NAV3: variants seen among roughly 807,000 people sequenced by gnomAD.
The protein encoded by NAV3 is pore membrane and/or filament interacting like protein 1.
In NAV3, 87 loss-of-function variants were observed where a neutral mutation model predicts 244.7. The ratio of observed to expected loss-of-function variants is 0.36; its 90% CI spans 0.30 to 0.42. The LOEUF (loss-of-function observed/expected upper bound fraction) is 0.42, where lower values mean the gene tolerates loss of function less well. Among genes scored for constraint, NAV3 ranks in the 20% least tolerant of loss-of-function variants. The pLI is 1.00. For synonymous variants in NAV3, 1,126 were observed against 1,042.2 expected (o/e 1.08, Z -1.55); for missense variants, 2,663 against 2,893.3 (o/e 0.92, Z 1.83).
chr12:78,014,907 C>T (rs891481313), intron 8 of NAV3, among the ~76,000 whole-genome samples: 2 of 152,034 alleles, frequency 1.3e-5, no homozygotes, highest in Admixed American at 6.6e-5. Flanking sequence ...GAATGCTTGG[C>T]TTGCAAGCTC....
chr12:77,731,937 C>T (rs1396269930), intron 2 of NAV3, among the ~76,000 whole-genome samples: 2 of 151,778 alleles, frequency 1.3e-5, no homozygotes, highest in Non-Finnish European at 2.9e-5. Context: ...CTACATTTAG[C>T]ATTGAGGGGA....
At chr12:77,635,871 A>G (rs1487656200) in intron 2 of NAV3, among the ~76,000 whole-genome samples, 1 of 152,214 alleles carries the variant, frequency 6.6e-6, no homozygotes, top group Non-Finnish European at 1.5e-5. Flanking sequence ...TCCCAAAGTA[A>G]CAGAGTTAAT....
intron 2 of NAV3, among the ~76,000 whole-genome samples, chr12:77,729,651 A>C (rs1240796885): frequency 6.6e-6 from 1 of 151,920 alleles, no homozygotes; most frequent in African/African-American, 2.4e-5. Flanking sequence ...GAGGCAACAA[A>C]AATCACTGAA....
intron 2 of NAV3, among the ~76,000 whole-genome samples, chr12:77,592,025 G>C (rs1024626977): frequency 6.6e-5 from 10 of 151,958 alleles, no homozygotes; most frequent in African/African-American, 2.2e-4. Context: ...TAGAAATTCT[G>C]GGCCACTTAA....
chr12:77,784,110 A>C (rs570191261), intron 2 of NAV3, among the ~76,000 whole-genome samples: 15 of 152,192 alleles, frequency 9.9e-5, no homozygotes, highest in Non-Finnish European at 1.6e-4. Flanking sequence ...CTGAGGAACA[A>C]ATAAGACTAT....
intron 3 of NAV3, among the ~76,000 whole-genome samples, chr12:77,948,749 G>A (rs1202181656): frequency 7.3e-6 from 1 of 137,110 alleles, no homozygotes; most frequent in Non-Finnish European, 1.5e-5. Context: ...ATTAACAGTA[G>A]GATAATTTTA....
chr12:78,189,960 C>T (rs764847924), intron 33 of NAV3, 24 bp from the exon 34 acceptor site: 6 of 1,531,028 alleles, frequency 3.9e-6, no homozygotes, highest in East Asian at 2.3e-5. Context: ...ATAAATCATG[C>T]TATTTTTTTG....
intron 12 of NAV3, among the ~76,000 whole-genome samples, chr12:78,095,697 T>C (rs1184981372): frequency 6.6e-6 from 1 of 152,036 alleles, no homozygotes; most frequent in African/African-American, 2.4e-5. Context: ...ATGGAGGAAA[T>C]AAAGATCCAG....
chr12:78,000,299 G>C (rs1223597071), intron 7 of NAV3, among the ~76,000 whole-genome samples: 1 of 151,882 alleles, frequency 6.6e-6, no homozygotes, highest in Non-Finnish European at 1.5e-5. Context: ...TTAGACAAGA[G>C]TTTTCATACG....
At chr12:77,909,321 A>G (rs962538379) in intron 1 of NAV3, among the ~76,000 whole-genome samples, 2 of 152,048 alleles carry the variant, frequency 1.3e-5, no homozygotes, top group African/African-American at 4.8e-5. Context: ...CATCAGTTCA[A>G]TTTGGGGAGA....
intron 2 of NAV3, among the ~76,000 whole-genome samples, chr12:77,717,999 G>A (rs931285767): frequency 6.6e-6 from 1 of 152,046 alleles, no homozygotes; most frequent in Non-Finnish European, 1.5e-5. Context: ...TATGTGAATT[G>A]CAAACATTCC....
intron 1 of NAV3, among the ~76,000 whole-genome samples, chr12:77,884,313 A>G (rs1447287226): frequency 6.6e-6 from 1 of 152,094 alleles, no homozygotes; most frequent in African/African-American, 2.4e-5. Flanking sequence ...AAAAGAGGGG[A>G]TATATCCTGG....
intron 2 of NAV3, among the ~76,000 whole-genome samples, chr12:77,725,186 T>G (rs146414462): frequency 2.2e-3 from 335 of 152,048 alleles, no homozygotes; most frequent in African/African-American, 7.8e-3. Flanking sequence ...ACAACATGCT[T>G]CCCAGATTCC....
intron 1 of NAV3, among the ~76,000 whole-genome samples, chr12:77,840,318 G>A (rs1253850879): frequency 2.6e-5 from 4 of 152,088 alleles, no homozygotes; most frequent in African/African-American, 9.7e-5. Flanking sequence ...TGTACAGAAT[G>A]GAAGAAGTAT....
At chr12:77,681,557 A>G (rs903301576) in intron 2 of NAV3, among the ~76,000 whole-genome samples, 3 of 152,226 alleles carry the variant, frequency 2.0e-5, no homozygotes, top group African/African-American at 7.2e-5. Context: ...TGTCAGCAAC[A>G]TTTGAAGTTT....
At chr12:77,932,266 T>C (rs868780083) in intron 1 of NAV3, among the ~76,000 whole-genome samples, 1 of 152,184 alleles carries the variant, frequency 6.6e-6, no homozygotes, top group South Asian at 2.1e-4. Context: ...CCCTAAAGTA[T>C]GTCCTGGCTT....
intron 2 of NAV3, among the ~76,000 whole-genome samples, chr12:77,769,724 A>G (rs1321877107): frequency 6.6e-6 from 1 of 152,212 alleles, no homozygotes; most frequent in Non-Finnish European, 1.5e-5. Context: ...AACTGCCATT[A>G]TGGAAAGTCG....
intron 12 of NAV3, among the ~76,000 whole-genome samples, chr12:78,092,594 G>A (rs781737176): frequency 6.8e-6 from 1 of 147,446 alleles, no homozygotes; most frequent in African/African-American, 2.5e-5. Context: ...CCGCCTCCCG[G>A]GTTCACGCCA....
chr12:78,084,163 A>G (rs1953504080), intron 12 of NAV3, among the ~76,000 whole-genome samples: 1 of 152,178 alleles, frequency 6.6e-6, no homozygotes. Flanking sequence ...TTAACAAATA[A>G]TTCACAACTA....
Sources: allele counts gnomAD v4.1 joint callset (sites outside exome capture counted in the v4.1 genomes callset), GRCh38; gene constraint gnomAD v4.1.1; transcripts MANE v1.5; gene names NCBI Gene and HGNC (gene_info 2026-07-23, HGNC 2026-07-21).